ACVR1C: variants seen among roughly 807,000 people sequenced by gnomAD.
ACVR1C encodes the protein activin A receptor type 1C.
A neutral mutation model predicts 57.9 loss-of-function variants in ACVR1C; 23 were observed. The observed-to-expected ratio is 0.40, with a 90% CI of 0.29 to 0.56. The LOEUF is 0.56. Ranked by LOEUF, ACVR1C falls within the 20% of genes least tolerant of loss-of-function variation. The pLI is 0.50. For synonymous variants in ACVR1C, 214 were observed against 215.3 expected, an observed-to-expected ratio of 0.99 and a Z score of 0.05; for missense variants, 480 against 607.9, an observed-to-expected ratio of 0.79 and a Z score of 2.21.
At chr2:157,580,099 A>G (rs948965608) in intron 2 of ACVR1C, among the ~76,000 whole-genome samples, 44 of 151,422 alleles carry the variant, frequency 2.9e-4, no homozygotes, top group African/African-American at 1.0e-3. Context: ...ACACGCGCGC[A>G]CGCACACACG....
rs549947479 is a variant in ACVR1C at position 157,556,227 on chromosome 2, T to C, written c.410A>G (p.Gln137Arg). 1.2e-6 allele frequency: 2 copies of C among 1,614,120 alleles called. No homozygotes were observed. Among genetic ancestry groups the C allele is most frequent in the Admixed American group, 1.7e-5 (1 of 60,008 alleles). The change falls in exon 3 of 9, where the codon CAG becomes CGG. Residue 137 changes from glutamine (Q) to arginine (R), a missense_variant. Gln to Arg is a conservative substitution (Grantham distance 43). Transcript: ENST00000243349. Reference sequence around the variant, plus strand: ...CTTCCTGTAGGAGCACTGTCGACCCTGGCATGCCCATACTGTCAGCATCGC... The same window carrying C: ...CTTCCTGTAGGAGCACTGTCGACCCCGGCATGCCCATACTGTCAGCATCGC... Reference protein sequence around the residue: ...IAAMLTVWACQGRQCSYRKKK... With the variant: ...IAAMLTVWACRGRQCSYRKKK...
chr2:157,608,076 A>T (rs920239690), intron 1 of ACVR1C, among the ~76,000 whole-genome samples: 6 of 151,844 alleles, frequency 4.0e-5, no homozygotes, highest in Non-Finnish European at 7.4e-5. Flanking sequence ...CTTAGAGGAA[A>T]GGCTTTCAAT....
At chr2:157,612,206 G>A (rs907302859) in intron 1 of ACVR1C, among the ~76,000 whole-genome samples, 6 of 152,174 alleles carry the variant, frequency 3.9e-5, no homozygotes, top group African/African-American at 1.4e-4. Flanking sequence ...GCTCCTGGCT[G>A]CAGAAGTGAC....
chr2:157,600,823 A>G (rs1682261268), intron 1 of ACVR1C, among the ~76,000 whole-genome samples: 1 of 152,216 alleles, frequency 6.6e-6, no homozygotes, highest in Non-Finnish European at 1.5e-5. Context: ...AACACTGACC[A>G]TGAGGCTCAA....
intron 1 of ACVR1C, among the ~76,000 whole-genome samples, chr2:157,602,418 A>G (rs1228289664): frequency 1.3e-5 from 2 of 152,218 alleles, no homozygotes; most frequent in Non-Finnish European, 2.9e-5. Flanking sequence ...AGAAATGGTT[A>G]GGGGGTTGGT....
chr2:157,613,089 AG>A (rs1682568254), intron 1 of ACVR1C, among the ~76,000 whole-genome samples: 1 of 152,206 alleles, frequency 6.6e-6, no homozygotes, highest in African/African-American at 2.4e-5. Flanking sequence ...TGGACTGCTA[AG>A]GGTCTCTCAC....
chr2:157,595,203 A>G (rs933106711), intron 1 of ACVR1C, among the ~76,000 whole-genome samples: 1 of 152,250 alleles, frequency 6.6e-6, no homozygotes, highest in Non-Finnish European at 1.5e-5. Context: ...CTTTGAAAGG[A>G]TGAAAATGCA....
At chr2:157,556,011 G>A (rs1385006974) in intron 3 of ACVR1C, 82 bp downstream of exon 3, 22 of 1,429,808 alleles carry the variant, frequency 1.5e-5, no homozygotes, top group Non-Finnish European at 2.1e-5. Context: ...ATAATATTTG[G>A]GCCCTTTTTG....
intron 2 of ACVR1C, among the ~76,000 whole-genome samples, chr2:157,586,801 T>C (rs1227404757): frequency 6.6e-6 from 1 of 152,204 alleles, no homozygotes; most frequent in African/African-American, 2.4e-5. Flanking sequence ...TTTTTAGTTA[T>C]GCTCTTTTTC....
intron 2 of ACVR1C, among the ~76,000 whole-genome samples, chr2:157,581,218 C>A (rs1688781115): frequency 6.6e-6 from 1 of 151,864 alleles, no homozygotes; most frequent in African/African-American, 2.4e-5. Context: ...TAAAATAAAT[C>A]ATTAAAAAAC....
intron 1 of ACVR1C, among the ~76,000 whole-genome samples, chr2:157,600,453 A>G (rs185004530): frequency 1.0e-3 from 153 of 152,364 alleles, no homozygotes; most frequent in African/African-American, 3.5e-3. Context: ...AGTAATAAAC[A>G]ATTAATAGTC....
In ACVR1C at chr2:157,544,202, ATT is replaced by A. The variant is rs765521635; in HGVS notation, c.943+241_943+242del. On this transcript the variant is annotated intron_variant, in intron 5 of 8. Transcript: ENST00000243349. ...TAAAGGCATGTGCCACCACAACCAGATTTTTTTTTTTTTTTTTTTTTTGGTAG... is the reference window on the plus strand; with the variant it reads ...TAAAGGCATGTGCCACCACAACCAGATTTTTTTTTTTTTTTTTTTTGGTAG... Among the ~76,000 whole-genome samples the A allele has an allele frequency of 0.013, 1,561 of 116,868 alleles. 22 individuals carry two copies. Among genetic ancestry groups the A allele is most frequent in the African/African-American group, 0.048 (1,456 of 30,606 alleles). 76.7% of individuals were successfully genotyped at this position (116,868 alleles called of 152,430 possible).
intron 1 of ACVR1C, among the ~76,000 whole-genome samples, chr2:157,607,313 A>G (rs1232226718): frequency 6.6e-6 from 1 of 151,436 alleles, no homozygotes; most frequent in East Asian, 1.9e-4. Flanking sequence ...TTGGTTCCAT[A>G]TGAATTTTAG....
intron 1 of ACVR1C, among the ~76,000 whole-genome samples, chr2:157,600,669 A>C (rs1682258932): frequency 6.6e-6 from 1 of 152,226 alleles, no homozygotes; most frequent in Admixed American, 6.5e-5. Context: ...TCAATGTAGA[A>C]ATAAAAGGAA....
intron 2 of ACVR1C, among the ~76,000 whole-genome samples, chr2:157,586,839 A>G (rs939119642): frequency 3.9e-5 from 6 of 152,180 alleles, no homozygotes; most frequent in African/African-American, 1.2e-4. Flanking sequence ...AATGTCTTTT[A>G]CACATGATCT....
chr2:157,560,706 C>T (rs1446901744), intron 2 of ACVR1C, among the ~76,000 whole-genome samples: 3 of 152,176 alleles, frequency 2.0e-5, no homozygotes, highest in Non-Finnish European at 4.4e-5. Flanking sequence ...AAAAGCCAGA[C>T]AAACCCTGCC....
At chr2:157,615,331 A>AC (rs966647110) in intron 1 of ACVR1C, among the ~76,000 whole-genome samples, 8 of 151,586 alleles carry the variant, frequency 5.3e-5, no homozygotes, top group Non-Finnish European at 1.0e-4. Context: ...AAAAAAAAAA[A>AC]AACACAAAAA....
chr2:157,617,110 A>T (rs1025305416), intron 1 of ACVR1C, among the ~76,000 whole-genome samples: 5 of 152,034 alleles, frequency 3.3e-5, no homozygotes, highest in Non-Finnish European at 7.4e-5. Flanking sequence ...AAAGGGAAAA[A>T]ATACATGCAA....
chr2:157,562,040 T>C (rs1340421633), intron 2 of ACVR1C, among the ~76,000 whole-genome samples: 2 of 152,148 alleles, frequency 1.3e-5, no homozygotes, highest in African/African-American at 4.8e-5. Flanking sequence ...CTCACGCCTG[T>C]AATCCTGGCA....
Sources: gnomAD v4.1 joint callset for allele counts (sites outside exome capture counted in the v4.1 genomes callset) on GRCh38, gnomAD v4.1.1 for gene constraint, MANE v1.5 for transcripts, NCBI Gene and HGNC (gene_info 2026-07-23, HGNC 2026-07-21) for gene names.